MYH4: variants seen among roughly 807,000 people sequenced by gnomAD.
The protein encoded by MYH4 is myosin heavy chain 4, also known as myosin-4.
In MYH4, 200 loss-of-function variants were observed where a neutral mutation model predicts 229.9. The ratio of observed to expected loss-of-function variants is 0.87; its 90% CI spans 0.78 to 0.98. The LOEUF is 0.98. Ranked by LOEUF, MYH4 falls within the 50% of genes least tolerant of loss-of-function variation. MYH4 has a pLI of 0.00. For missense variants in MYH4, 2,148 were observed against 2,332.6 expected, an observed-to-expected ratio of 0.92 and a Z score of 1.63; for synonymous variants, 761 against 834.6, an observed-to-expected ratio of 0.91 and a Z score of 1.52.
Position 10,454,680 on chromosome 17 carries a change from T to C in MYH4, c.2566A>G (p.Met856Val). 1.2e-6 allele frequency: 2 copies of C among 1,614,240 alleles called. No individual in the cohort carries two copies. The highest frequency in any genetic ancestry group is 1.7e-6 in the Non-Finnish European group (2 of 1,180,044). ...SAETEKEMAN[M>V]KEEFEKTKEE... ...TTGGTTTTCTCAAATTCTTCCTTCA[T>C]GTTGGCCATCTCCTTCTCTGTCTCT... The change falls in exon 22 of 40, where the codon ATG (methionine) becomes GTG (valine). Residue 856 changes from methionine to valine, a missense_variant. Coordinates refer to ENST00000255381, the MANE Select transcript of MYH4 (RefSeq NM_017533.2).
Position 10,464,398 on chromosome 17 carries a change from C to G in MYH4, c.648+74G>C, listed in dbSNP as rs534824094. On this transcript the variant is annotated intron_variant, in intron 7 of 39. Transcript: ENST00000255381. ...GTATACGTACTACATTTTCTGTATACAGTCTACTGTTGATGTGCACGTGGT... is the reference window on the plus strand; with the variant it reads ...GTATACGTACTACATTTTCTGTATAGAGTCTACTGTTGATGTGCACGTGGT... 3 of 1,238,218 alleles carry G rather than the reference C, an allele frequency of 2.4e-6. No homozygotes were observed. In the African/African-American group the frequency reaches 4.5e-5, roughly 19 times the overall value. The allele number at this position is 1,238,218 out of a possible 1,614,324, so 76.7% of individuals were successfully genotyped here. A position where few individuals can be genotyped will look rare whatever the true frequency, so the allele number is the denominator to read the frequency against.
intron 14 of MYH4, 86 bp from the exon 15 acceptor site, chr17:10,459,507 G>A (rs564045966): frequency 6.2e-7 from 1 of 1,601,064 alleles, no homozygotes; most frequent in African/African-American, 1.3e-5. Context: ...CTGAATTTAA[G>A]GCATTTTGGT....
At chr17:10,450,100 T>C (rs900002710) in intron 30 of MYH4, among the ~76,000 whole-genome samples, 2 of 152,220 alleles carry the variant, frequency 1.3e-5, no homozygotes, top group African/African-American at 4.8e-5. Flanking sequence ...TTAATTGTAA[T>C]ACTCATAATA....
chr17:10,446,027 C>A (rs796478065), intron 35 of MYH4, among the ~76,000 whole-genome samples: 112 of 68,558 alleles, frequency 1.6e-3, no homozygotes, highest in African/African-American at 3.0e-3. Flanking sequence ...GACCCCTTCT[C>A]AAAAAAAAAA....
intron 24 of MYH4, 73 bp from the exon 25 acceptor site, chr17:10,453,005 C>T: frequency 1.3e-6 from 2 of 1,586,008 alleles, no homozygotes; most frequent in Admixed American, 3.7e-5. Flanking sequence ...TTCAAAGATA[C>T]ATAAGAAAAA....
Position 10,457,638 on chromosome 17 carries a change from A to C in MYH4, c.1679T>G (p.Leu560Arg). Residue 560 changes from leucine (L) to arginine (R), a missense_variant, in exon 16 of 40, where the codon CTT (leucine) becomes CGT (arginine). Transcript: ENST00000255381. ...SFKNKLYEQHLGKSNNFQKPK... is the reference protein window; with the variant it reads ...SFKNKLYEQHRGKSNNFQKPK... ...CTTCTGGAAGTTGTTGGATTTTCCA[A>C]GATGTTGTTCATACAGCTTGTTCTT... 6.2e-7 allele frequency: 1 copy of C among 1,614,206 alleles called. No individual in the cohort carries two copies. Among genetic ancestry groups the C allele is most frequent in the Non-Finnish European group, 8.5e-7 (1 of 1,180,040 alleles).
chr17:10,461,258 G>T (rs748702303), intron 11 of MYH4, among the ~76,000 whole-genome samples: 4 of 152,078 alleles, frequency 2.6e-5, no homozygotes, highest in Non-Finnish European at 5.9e-5. Context: ...TTCCATTTGA[G>T]TCATGAGTCC....
At chr17:10,448,543 T>C in intron 32 of MYH4, 23 bp from the exon 33 acceptor site, 1 of 1,610,594 alleles carries the variant, frequency 6.2e-7, no homozygotes, top group Non-Finnish European at 8.5e-7. Flanking sequence ...AGTACCAAAT[T>C]TCAGTTAAGT....
intron 2 of MYH4, among the ~76,000 whole-genome samples, chr17:10,468,718 ATAG>A (rs1228013587): frequency 6.6e-6 from 1 of 152,224 alleles, no homozygotes; most frequent in African/African-American, 2.4e-5. Flanking sequence ...TTAGCAGTCA[ATAG>A]AATCCAGCCT....
rs566890063 is a variant in MYH4 at position 10,468,732 on chromosome 17, C to G, written c.-40+556G>C. ...CTTAGCAGTCAATAGAATCCAGCCT[C>G]CTCGTTTACTGATGAGGAAACTAAG... On this transcript the variant is annotated intron_variant, in intron 2 of 39. Coordinates refer to ENST00000255381, the MANE Select transcript of MYH4 (RefSeq NM_017533.2). 7.2e-5 allele frequency among the ~76,000 whole-genome samples: 11 copies of G among 152,318 alleles called. No individual in the cohort carries two copies. The East Asian group carries it at 2.1e-3, about 29-fold the overall frequency.
chr17:10,451,363 C>G lies in MYH4; in HGVS notation c.3828G>C (p.Glu1276Asp), dbSNP rs765298731. 2.5e-6 allele frequency: 4 copies of G among 1,614,032 alleles called. No individual in the cohort carries two copies. The highest frequency in any genetic ancestry group is 2.5e-6 in the Non-Finnish European group (3 of 1,179,990). ...KEEEQQRLIN[E>D]LSAQKARLHT... is the part of the protein sequence containing the mutation. ...GTAAACGTGCCTTCTGGGCTGACAA[C>G]TCATTTATTAAGCGTTGTTGCTCTT... The change falls in exon 28 of 40, where the codon GAG (glutamate) becomes GAC (aspartate). Residue 1276 changes from glutamate to aspartate, a missense_variant. Coordinates refer to ENST00000255381, the MANE Select transcript of MYH4 (RefSeq NM_017533.2).
At position 10,459,392 on chromosome 17, in the gene MYH4, G is replaced by T; in HGVS notation, c.1446C>A (p.Asn482Lys). The T allele has an allele frequency of 6.2e-7, 1 of 1,614,176 alleles. No individual in the cohort carries two copies. The highest frequency in any genetic ancestry group is 2.2e-5 in the East Asian group (1 of 44,884). ...DFNSLEQLCI[N>K]FTNEKLQQFF... The stretch of plus-strand genomic sequence containing the variant: ...ACTGTTGCAGTTTCTCGTTGGTGAA[G>T]TTGATGCACAGCTGCTCCAGGCTGT... Residue 482 changes from asparagine to lysine, a missense_variant, in exon 15 of 40, where the codon AAC becomes AAA. Coordinates refer to ENST00000255381, the MANE Select transcript of MYH4 (RefSeq NM_017533.2).
rs1203541187 is a variant in MYH4, at chr17:10,466,825, G to A, written c.-39-41C>T. 1.7e-5 allele frequency: 27 copies of A among 1,548,558 alleles called. 1 individual carries two copies. The South Asian group carries it at 2.7e-4, about 16-fold the overall frequency. The stretch of plus-strand genomic sequence containing the variant: ...GAGCCAAATGATGATTCAGGGTTGG[G>A]GTGGAGAATTGTTCTGTTGATTTCA... On this transcript the variant is annotated intron_variant, in intron 2 of 39. Transcript: ENST00000255381.
At chr17:10,458,407 G>A (rs2072664333) in intron 15 of MYH4, among the ~76,000 whole-genome samples, 1 of 152,120 alleles carries the variant, frequency 6.6e-6, no homozygotes, top group African/African-American at 2.4e-5. Flanking sequence ...AGACCATAAA[G>A]TTTTCATGAA....
At position 10,462,946 on chromosome 17, in the gene MYH4, G is replaced by A. The variant is rs752696955; in HGVS notation, c.927C>T (p.Asn309=). 3.1e-6 allele frequency: 5 copies of A among 1,613,988 alleles called. No individual in the cohort carries two copies. The African/African-American group carries it at 5.3e-5, about 17-fold the overall frequency. ...ELIEMLLITT[N]PYDFAFVSQG... ...GGCTGACAAATGCGAAGTCATATGGGTTGGTGGTGATCAGAAGCATTTCTG... is the reference window on the plus strand; with the variant it reads ...GGCTGACAAATGCGAAGTCATATGGATTGGTGGTGATCAGAAGCATTTCTG... The change falls in exon 11 of 40, where the codon AAC becomes AAT. Residue 309 remains asparagine (N), a synonymous_variant. Coordinates refer to ENST00000255381, the MANE Select transcript of MYH4 (RefSeq NM_017533.2).
At chr17:10,460,405 T>G (rs1485817377) in intron 12 of MYH4, 84 bp from the exon 13 acceptor site, 2 of 1,159,152 alleles carry the variant, frequency 1.7e-6, no homozygotes, top group African/African-American at 3.1e-5. Context: ...GAAAAAAGGT[T>G]TCACTCAAAA....
rs1748360281 is a variant in MYH4, at chr17:10,457,622, G to C, written c.1695C>G (p.Asn565Lys). 8.1e-6 allele frequency: 13 copies of C among 1,614,228 alleles called. No homozygotes were observed. Among genetic ancestry groups the C allele is most frequent in the Non-Finnish European group, 1.1e-5 (13 of 1,180,052 alleles). Residue 565 changes from asparagine (N) to lysine (K), a missense_variant, in exon 16 of 40, where the codon AAC becomes AAG. Transcript: ENST00000255381. ...LYEQHLGKSN[N>K]FQKPKPAKGK... ...CTTTGGCAGGCTTGGGCTTCTGGAA[G>C]TTGTTGGATTTTCCAAGATGTTGTT...
intron 35 of MYH4, 86 bp downstream of exon 35, chr17:10,446,927 C>G: frequency 7.1e-7 from 1 of 1,407,064 alleles, no homozygotes; most frequent in Non-Finnish European, 9.8e-7. Context: ...ACGAAGATTA[C>G]TTTTTACTTT....
chr17:10,443,508 T>C lies in MYH4; in HGVS notation c.5687A>G (p.Asn1896Ser). 3 of 1,614,044 alleles carry C rather than the reference T, an allele frequency of 1.9e-6. No individual in the cohort carries two copies. Among genetic ancestry groups the C allele is most frequent in the Non-Finnish European group, 2.5e-6 (3 of 1,179,964 alleles). ...AEEAEEQSNV[N>S]LAKFRKLQHE... ...CTGGAGCTTGCGGAACTTGGCAAGGTTGACATTGGATTGTTCCTCCTGAGA... is the reference window on the plus strand; with the variant it reads ...CTGGAGCTTGCGGAACTTGGCAAGGCTGACATTGGATTGTTCCTCCTGAGA... Residue 1896 changes from asparagine (N) to serine (S), a missense_variant, in exon 40 of 40, where the codon AAC becomes AGC. By Grantham distance (46) the Asn-to-Ser change is conservative (BLOSUM62 1). Coordinates refer to ENST00000255381, the MANE Select transcript of MYH4 (RefSeq NM_017533.2). The surrounding 1 kb of genome is among the most constrained non-coding windows in gnomAD (Gnocchi z 4.6).
Sources: allele counts gnomAD v4.1 joint callset (sites outside exome capture counted in the v4.1 genomes callset), GRCh38; gene constraint gnomAD v4.1.1; non-coding constraint Gnocchi (gnomAD v3.1); transcripts MANE v1.5; gene names NCBI Gene and HGNC (gene_info 2026-07-23, HGNC 2026-07-21).